SPOCK3: variants seen among roughly 807,000 people sequenced by gnomAD.
The protein encoded by SPOCK3 is testican-3.
SPOCK3 carries 30 observed loss-of-function variants against 56.6 expected under a neutral mutation model. That is an observed-to-expected ratio of 0.53 (90% CI 0.40 to 0.72). The LOEUF (loss-of-function observed/expected upper bound fraction) is 0.72, where lower values mean the gene tolerates loss of function less well. Among genes scored for constraint, SPOCK3 ranks in the 30% least tolerant of loss-of-function variants. The probability of loss-of-function intolerance (pLI) is 0.00; values close to 1 mark genes in which losing one functional copy is unlikely to be tolerated. For synonymous variants in SPOCK3, 196 were observed against 183.3 expected (o/e 1.07, Z -0.56); for missense variants, 527 against 530.0 (o/e 0.99, Z 0.06).
At chr4:167,075,186 G>A (rs1365947) in intron 2 of SPOCK3, among the ~76,000 whole-genome samples, 1 of 151,704 alleles carries the variant, frequency 6.6e-6, no homozygotes, top group African/African-American at 2.4e-5. Context: ...TTTTTCCAAT[G>A]GATTATGGAA....
chr4:167,073,777 A>G (rs1053385798), intron 2 of SPOCK3, among the ~76,000 whole-genome samples: 13 of 151,886 alleles, frequency 8.6e-5, no homozygotes, highest in African/African-American at 2.9e-4. Context: ...CATAGTTGCT[A>G]TTACCTGTAG....
intron 9 of SPOCK3, among the ~76,000 whole-genome samples, chr4:166,741,356 T>C (rs1734827859): frequency 6.6e-6 from 1 of 152,234 alleles, no homozygotes; most frequent in Non-Finnish European, 1.5e-5. Context: ...GGAAACTATG[T>C]ACCTTTGTCA....
chr4:166,982,666 A>G (rs1746712855), intron 4 of SPOCK3, among the ~76,000 whole-genome samples: 1 of 152,226 alleles, frequency 6.6e-6, no homozygotes. Context: ...CTAAATAGAG[A>G]AAATGCAGTT....
chr4:167,120,453 C>A (rs1761773237), intron 2 of SPOCK3, among the ~76,000 whole-genome samples: 3 of 151,880 alleles, frequency 2.0e-5, no homozygotes, highest in Admixed American at 1.3e-4. Flanking sequence ...TAAACAAGAA[C>A]AATATTGATG....
intron 4 of SPOCK3, among the ~76,000 whole-genome samples, chr4:166,933,206 T>C (rs1739984942): frequency 6.6e-6 from 1 of 152,218 alleles, no homozygotes; most frequent in Non-Finnish European, 1.5e-5. Context: ...CTTTTTCAAA[T>C]GATAATCTAA....
At chr4:167,049,629 C>A (rs1414001432) in intron 3 of SPOCK3, among the ~76,000 whole-genome samples, 4 of 151,992 alleles carry the variant, frequency 2.6e-5, no homozygotes, top group Admixed American at 2.0e-4. Context: ...GCTCTAAAAT[C>A]TAGATATTAA....
intron 3 of SPOCK3, chr4:167,011,248 C>A (rs1327510670): frequency 2.2e-6 from 1 of 455,636 alleles, no homozygotes; most frequent in Admixed American, 2.4e-5. Context: ...CAAAGGAAGG[C>A]AGTTATGGCA....
At chr4:166,995,275 C>A (rs1227932661) in intron 4 of SPOCK3, among the ~76,000 whole-genome samples, 2 of 151,382 alleles carry the variant, frequency 1.3e-5, no homozygotes, top group African/African-American at 4.9e-5. Context: ...ATACAGATAT[C>A]AAATTCCAGA....
At chr4:166,804,231 G>A (rs138281937) in intron 6 of SPOCK3, among the ~76,000 whole-genome samples, 4 of 152,122 alleles carry the variant, frequency 2.6e-5, no homozygotes, top group South Asian at 2.1e-4. Flanking sequence ...TAACACAAAT[G>A]TATCTTCTTA....
At chr4:167,155,790 A>T (rs1031009311) in intron 2 of SPOCK3, among the ~76,000 whole-genome samples, 1 of 152,142 alleles carries the variant, frequency 6.6e-6, no homozygotes, top group Non-Finnish European at 1.5e-5. Context: ...ATCTAATAGA[A>T]ATACTATCCG....
At chr4:167,040,733 CAT>C (rs1009621370) in intron 3 of SPOCK3, among the ~76,000 whole-genome samples, 1 of 152,036 alleles carries the variant, frequency 6.6e-6, no homozygotes, top group African/African-American at 2.4e-5. Context: ...AATGTTATAA[CAT>C]GTCAATATTT....
intron 7 of SPOCK3, among the ~76,000 whole-genome samples, chr4:166,772,549 T>G (rs1188878437): frequency 7.7e-6 from 1 of 129,246 alleles, no homozygotes; most frequent in East Asian, 2.0e-4. Context: ...TCTATCAAAT[T>G]AGAAGAAAGA....
intron 4 of SPOCK3, among the ~76,000 whole-genome samples, chr4:166,934,954 A>G (rs981133664): frequency 6.6e-6 from 1 of 152,206 alleles, no homozygotes; most frequent in Non-Finnish European, 1.5e-5. Context: ...GGAAGAATCT[A>G]TGAAAATTCC....
chr4:166,803,034 C>T (rs1432808356), intron 6 of SPOCK3, among the ~76,000 whole-genome samples: 1 of 152,078 alleles, frequency 6.6e-6, no homozygotes, highest in Non-Finnish European at 1.5e-5. Context: ...TCTCCAATTG[C>T]TCTCTGACAA....
chr4:166,815,605 T>G (rs1744300701), intron 6 of SPOCK3, among the ~76,000 whole-genome samples: 1 of 151,742 alleles, frequency 6.6e-6, no homozygotes, highest in Non-Finnish European at 1.5e-5. Context: ...ATAGCAAGAC[T>G]CTCTCTCTAC....
chr4:166,913,855 G>A (rs1737548547), intron 4 of SPOCK3, among the ~76,000 whole-genome samples: 1 of 151,576 alleles, frequency 6.6e-6, no homozygotes, highest in South Asian at 2.1e-4. Flanking sequence ...TTTCAGTTTT[G>A]TACATTCTGC....
intron 3 of SPOCK3, among the ~76,000 whole-genome samples, chr4:167,032,700 T>A (rs911462360): frequency 6.6e-6 from 1 of 151,984 alleles, no homozygotes; most frequent in Non-Finnish European, 1.5e-5. Context: ...TAAGATATAA[T>A]TATGATTTTA....
chr4:167,079,384 C>T (rs2150285925), intron 2 of SPOCK3, among the ~76,000 whole-genome samples: 1 of 152,028 alleles, frequency 6.6e-6, no homozygotes. Flanking sequence ...TTTCTTTGAA[C>T]ATTTCTGGGT....
intron 2 of SPOCK3, among the ~76,000 whole-genome samples, chr4:167,214,973 A>G (rs2111057052): frequency 6.6e-6 from 1 of 151,014 alleles, no homozygotes; most frequent in South Asian, 2.1e-4. Flanking sequence ...ATACATATAT[A>G]TATTTACTGT....
Sources: gnomAD v4.1 joint callset for allele counts (sites outside exome capture counted in the v4.1 genomes callset) on GRCh38, gnomAD v4.1.1 for gene constraint, MANE v1.5 for transcripts, NCBI Gene and HGNC (gene_info 2026-07-23, HGNC 2026-07-21) for gene names.